RNLS: variants seen among roughly 807,000 people sequenced by gnomAD.
The protein encoded by RNLS is renalase, FAD dependent amine oxidase.
A neutral mutation model predicts 39.8 loss-of-function variants in RNLS; 39 were observed. The ratio of observed to expected loss-of-function variants is 0.98; its 90% CI spans 0.76 to 1.28. The LOEUF is 1.28. Ranked by LOEUF, RNLS falls within the 50% of genes most tolerant of loss-of-function variation. The pLI, the probability that RNLS is intolerant of heterozygous loss-of-function variation, is 0.00. For missense variants in RNLS, 410 were observed against 413.3 expected (o/e 0.99, Z 0.07); for synonymous variants, 147 against 150.7 (o/e 0.98, Z 0.18).
chr10:88,398,276 G>C (rs988358593), intron 4 of RNLS, among the ~76,000 whole-genome samples: 1 of 152,088 alleles, frequency 6.6e-6, no homozygotes, highest in African/African-American at 2.4e-5. Context: ...GAATAAGTGA[G>C]TCAGGGTAAG....
chr10:88,416,656 T>C (rs2133733516), intron 4 of RNLS, among the ~76,000 whole-genome samples: 1 of 152,348 alleles, frequency 6.6e-6, no homozygotes, highest in Middle Eastern at 3.4e-3. Context: ...AATAAGCATA[T>C]GCCATTTTTG....
At chr10:88,391,811 A>C (rs770650097) in intron 4 of RNLS, among the ~76,000 whole-genome samples, 1 of 152,234 alleles carries the variant, frequency 6.6e-6, no homozygotes, top group Non-Finnish European at 1.5e-5. Context: ...TTATTTAAAA[A>C]AATGGCTGAA....
chr10:88,282,809 C>G (rs879837857), downstream of RNLS, among the ~76,000 whole-genome samples: 2 of 152,130 alleles, frequency 1.3e-5, no homozygotes, highest in Non-Finnish European at 2.9e-5. Context: ...CTGAGCAAGA[C>G]GTGCATAGAC....
chr10:88,242,778 T>C, the RNLS span, among the ~76,000 whole-genome samples: 1 of 152,040 alleles, frequency 6.6e-6, no homozygotes, highest in African/African-American at 2.4e-5. Context: ...AGAAACCCTG[T>C]CTCTACTAAA....
At position 88,355,033 on chromosome 10, in the gene RNLS, C is replaced by T. The variant is rs570246053; in HGVS notation, c.700+7519G>A. On this transcript the variant is annotated intron_variant, in intron 5 of 6. Coordinates refer to ENST00000331772, the MANE Select transcript of RNLS (RefSeq NM_001031709.3). The stretch of plus-strand genomic sequence containing the variant: ...GCTACTGAAGCTTGTGCATTCGTCA[C>T]GTAGTTCTTGTGCCATGGTTTTCAG... Among the ~76,000 whole-genome samples, 23 of 152,302 alleles carry T rather than the reference C, an allele frequency of 1.5e-4. No homozygotes were observed. The South Asian group carries it at 1.9e-3, about 12-fold the overall frequency.
At chr10:88,271,081 T>C (rs1449241463), downstream of RNLS, among the ~76,000 whole-genome samples, 2 of 152,190 alleles carry the variant, frequency 1.3e-5, no homozygotes, top group African/African-American at 4.8e-5. Context: ...TCCTCTGTTA[T>C]TTATCTTTGG....
chr10:88,315,020 TA>T (rs1845652465), intron 5 of RNLS, among the ~76,000 whole-genome samples: 1 of 152,214 alleles, frequency 6.6e-6, no homozygotes, highest in Admixed American at 6.5e-5. Flanking sequence ...ATATTCTTCA[TA>T]AATTCTGAGA....
chr10:88,203,928 G>T, the RNLS span, among the ~76,000 whole-genome samples: 1 of 151,844 alleles, frequency 6.6e-6, no homozygotes, highest in Non-Finnish European at 1.5e-5. Flanking sequence ...CAATAATAAT[G>T]GTTAACATTT....
At chr10:88,242,104 A>G in the RNLS span, among the ~76,000 whole-genome samples, 1 of 152,078 alleles carries the variant, frequency 6.6e-6, no homozygotes. Context: ...TTATCCCCAT[A>G]TCTTTCCTTT....
chr10:88,275,847 G>C (rs1010746662), intron 6 of RNLS, among the ~76,000 whole-genome samples: 1 of 152,102 alleles, frequency 6.6e-6, no homozygotes. Flanking sequence ...TTGACGGCAG[G>C]AGTTTGAGTC....
chr10:88,559,218 T>C (rs1410034762), intron 4 of RNLS, among the ~76,000 whole-genome samples: 1 of 152,188 alleles, frequency 6.6e-6, no homozygotes, highest in East Asian at 1.9e-4. Context: ...ATTTTGCATC[T>C]TTGTAGTATA....
the RNLS span, among the ~76,000 whole-genome samples, chr10:88,261,728 A>T: frequency 6.6e-6 from 1 of 152,190 alleles, no homozygotes; most frequent in Non-Finnish European, 1.5e-5. Context: ...TTACTTCAAT[A>T]CCCCTAGTGC....
At chr10:88,280,711 C>CA (rs201522595), downstream of RNLS, among the ~76,000 whole-genome samples, 1,978 of 152,212 alleles carry the variant, frequency 0.013, 39 homozygotes, top group African/African-American at 0.038. Flanking sequence ...ACTTTATTTA[C>CA]AAAAACAAGC....
intron 6 of RNLS, among the ~76,000 whole-genome samples, chr10:88,278,596 G>A (rs1448253615): frequency 2.0e-5 from 3 of 151,970 alleles, no homozygotes; most frequent in East Asian, 3.9e-4. Flanking sequence ...CCTCTCCCAC[G>A]CTAGCACACA....
At chr10:88,205,557 T>C in the RNLS span, among the ~76,000 whole-genome samples, 2 of 152,248 alleles carry the variant, frequency 1.3e-5, no homozygotes, top group South Asian at 4.1e-4. Context: ...TGGACTGTGA[T>C]GAACTGACCA....
At chr10:88,422,692 T>C (rs1322116802) in intron 4 of RNLS, among the ~76,000 whole-genome samples, 1 of 152,032 alleles carries the variant, frequency 6.6e-6, no homozygotes, top group Non-Finnish European at 1.5e-5. Flanking sequence ...AAAAGAACAA[T>C]GGAAGAAATT....
intron 4 of RNLS, among the ~76,000 whole-genome samples, chr10:88,567,987 A>C (rs1425267192): frequency 6.6e-6 from 1 of 152,194 alleles, no homozygotes; most frequent in Non-Finnish European, 1.5e-5. Context: ...ACAGCCCTGA[A>C]GCCTTGTCCA....
At chr10:88,513,319 C>T (rs977585284) in intron 4 of RNLS, among the ~76,000 whole-genome samples, 1 of 152,096 alleles carries the variant, frequency 6.6e-6, no homozygotes, top group Non-Finnish European at 1.5e-5. Context: ...CTGTCATGTT[C>T]CATAATATGG....
chr10:88,272,654 T>C (rs1589440523), downstream of RNLS, among the ~76,000 whole-genome samples: 1 of 152,186 alleles, frequency 6.6e-6, no homozygotes, highest in South Asian at 2.1e-4. Context: ...TCATTGGTGG[T>C]TGAATAAATA....
Sources: gnomAD v4.1 joint callset for allele counts (sites outside exome capture counted in the v4.1 genomes callset) on GRCh38, gnomAD v4.1.1 for gene constraint, MANE v1.5 for transcripts, NCBI Gene and HGNC (gene_info 2026-07-23, HGNC 2026-07-21) for gene names.